Variants in WDTC1 observed in about 807,000 individuals in gnomAD.
The protein encoded by WDTC1 is WD and tetratricopeptide repeats 1.
WDTC1 carries 12 observed loss-of-function variants against 76.0 expected under a neutral mutation model. The ratio of observed to expected loss-of-function variants is 0.16; its 90% CI spans 0.10 to 0.26. The LOEUF (loss-of-function observed/expected upper bound fraction) is 0.26. WDTC1 is among the 10% of genes least tolerant of loss of function. The probability of loss-of-function intolerance (pLI) is 1.00; values close to 1 mark genes in which losing one functional copy is unlikely to be tolerated. For missense variants in WDTC1, 511 were observed against 908.8 expected, an observed-to-expected ratio of 0.56 and a Z score of 5.63; for synonymous variants, 326 against 350.8, an observed-to-expected ratio of 0.93 and a Z score of 0.79.
intron 1 of WDTC1, among the ~76,000 whole-genome samples, chr1:27,257,053 G>A (rs1479669640): frequency 2.0e-5 from 3 of 151,932 alleles, no homozygotes; most frequent in Non-Finnish European, 4.4e-5. Flanking sequence ...TAGTAGAGAC[G>A]GGGTTTCACC....
In WDTC1 at chr1:27,241,555, C is replaced by G. The variant is rs1259108586; in HGVS notation, c.-100+6604C>G. On this transcript the variant is annotated intron_variant, in intron 1 of 15. Transcript: ENST00000319394. Reference sequence around the variant, plus strand: ...TCACTGAGTTAGAAAGGAAACATTTCTAACTTGAATGGTTTAGTTTTCCTT... The same window carrying G: ...TCACTGAGTTAGAAAGGAAACATTTGTAACTTGAATGGTTTAGTTTTCCTT... Among the ~76,000 whole-genome samples the G allele has an allele frequency of 2.0e-5, 3 of 152,106 alleles. No individual in the cohort carries two copies. The East Asian group carries it at 5.8e-4, about 29-fold the overall frequency.
intron 4 of WDTC1, 44 bp downstream of exon 4, chr1:27,282,329 T>C (rs2013211965): frequency 6.2e-7 from 1 of 1,601,362 alleles, no homozygotes; most frequent in Admixed American, 1.7e-5. Context: ...GGGAAGGAAG[T>C]AAGGAGGGTG....
chr1:27,282,369 A>T (rs2013212630), intron 4 of WDTC1, 84 bp downstream of exon 4: 1 of 1,412,954 alleles, frequency 7.1e-7, no homozygotes, highest in African/African-American at 1.4e-5. Flanking sequence ...GAGAGGATCC[A>T]AGGAAAAGAT....
intron 4 of WDTC1, among the ~76,000 whole-genome samples, chr1:27,282,847 A>G (rs1233631277): frequency 2.0e-5 from 3 of 151,638 alleles, no homozygotes; most frequent in African/African-American, 7.3e-5. Flanking sequence ...TAAGAATGAT[A>G]GAAATTTCTT....
At chr1:27,288,865 G>A (rs1311527806) in intron 6 of WDTC1, among the ~76,000 whole-genome samples, 1 of 152,080 alleles carries the variant, frequency 6.6e-6, no homozygotes, top group Non-Finnish European at 1.5e-5. Context: ...GAGCTGTTGG[G>A]TACACCTCCC....
chr1:27,299,631 G>A (rs2013782260), intron 12 of WDTC1, among the ~76,000 whole-genome samples: 1 of 152,192 alleles, frequency 6.6e-6, no homozygotes, highest in South Asian at 2.1e-4. Flanking sequence ...ACTGGCAGGA[G>A]ATGAGTCTGT....
At chr1:27,242,936 C>G (rs2147902297) in intron 1 of WDTC1, among the ~76,000 whole-genome samples, 1 of 152,306 alleles carries the variant, frequency 6.6e-6, no homozygotes, top group Middle Eastern at 3.4e-3. Context: ...TTATTTAAGC[C>G]AGGAGCCTCA....
chr1:27,247,812 G>A (rs890241949), intron 1 of WDTC1, among the ~76,000 whole-genome samples: 4 of 150,714 alleles, frequency 2.7e-5, no homozygotes, highest in East Asian at 3.9e-4. Flanking sequence ...TCTGCCTCCC[G>A]GGTTCAAGTG....
chr1:27,289,171 C>T (rs2013445749), intron 6 of WDTC1, among the ~76,000 whole-genome samples: 1 of 149,652 alleles, frequency 6.7e-6, no homozygotes, highest in African/African-American at 2.5e-5. Flanking sequence ...AGAGGCGCCC[C>T]TCACCTCCCG....
In WDTC1 at chr1:27,283,365, G is replaced by A; in HGVS notation, c.207G>A (p.Gln69=). 1 of 1,613,738 alleles carries A rather than the reference G, an allele frequency of 6.2e-7. No individual in the cohort carries two copies. The highest frequency in any genetic ancestry group is 8.5e-7 in the Non-Finnish European group (1 of 1,180,018). Residue 69 remains glutamine, a synonymous_variant, in exon 5 of 16, where the codon CAG becomes CAA. Coordinates refer to ENST00000319394, the MANE Select transcript of WDTC1 (RefSeq NM_001276252.2). ...TGCTGGCCTCTGGTTCCGATGACCA[G>A]CACACGATTGTGTGGGACCCGCTGC... ...GDLLASGSDD[Q]HTIVWDPLHH... is the part of the protein sequence containing the mutation.
intron 1 of WDTC1, among the ~76,000 whole-genome samples, chr1:27,235,352 T>TAGCTTCTCGCTCTCTCTC (rs2011472029): frequency 6.6e-6 from 1 of 151,898 alleles, no homozygotes; most frequent in Non-Finnish European, 1.5e-5. Context: ...CCTGCCCTCT[T>TAGCTTCTCGCTCTCTCTC]AGCTTCTCGC....
chr1:27,260,678 A>G (rs2012450022), intron 1 of WDTC1, among the ~76,000 whole-genome samples: 1 of 152,238 alleles, frequency 6.6e-6, no homozygotes, highest in Admixed American at 6.5e-5. Context: ...ATATGCTACC[A>G]TTATCCTTCA....
intron 1 of WDTC1, among the ~76,000 whole-genome samples, chr1:27,235,958 C>T (rs1345114616): frequency 2.0e-5 from 3 of 152,088 alleles, no homozygotes; most frequent in African/African-American, 7.2e-5. Flanking sequence ...GTGAAGTCTT[C>T]CCTTTCTAAC....
Position 27,297,036 on chromosome 1 carries a change from A to G in WDTC1, c.950-12A>G, listed in dbSNP as rs773910286. ...GAGTTGTTGCTGTCACTTTCTCACT[A>G]TCTCCTGCCAGAAGTCCAGAATGGC... On this transcript the variant is annotated splice_polypyrimidine_tract_variant and intron_variant, in intron 10 of 15. Coordinates refer to ENST00000319394, the MANE Select transcript of WDTC1 (RefSeq NM_001276252.2). The G allele has an allele frequency of 9.3e-6, 15 of 1,613,142 alleles. No individual in the cohort carries two copies. In the South Asian group the frequency reaches 9.9e-5, roughly 11 times the overall value.
upstream of WDTC1, chr1:27,234,506 G>C: frequency 2.9e-6 from 1 of 346,550 alleles, no homozygotes. Context: ...TTGACCGGGC[G>C]CGGGGGGGTA....
intron 5 of WDTC1, among the ~76,000 whole-genome samples, chr1:27,284,428 A>G (rs1045334325): frequency 9.9e-5 from 15 of 152,210 alleles, no homozygotes; most frequent in African/African-American, 3.6e-4. Flanking sequence ...TATCAAGAGG[A>G]ATTACAAGAT....
rs761713856 is a variant in WDTC1 at position 27,299,436 on chromosome 1, G to A, written c.1232+1325G>A. On this transcript the variant is annotated intron_variant, in intron 12 of 15. Coordinates refer to ENST00000319394, the MANE Select transcript of WDTC1 (RefSeq NM_001276252.2). The stretch of plus-strand genomic sequence containing the variant: ...CAGGGAAGCATCAGAAAGACATGGC[G>A]TCTGAATGGGCTTTAAGTGTAGGCA... Among the ~76,000 whole-genome samples the A allele has an allele frequency of 2.0e-5, 3 of 152,158 alleles. 1 individual carries two copies. In the South Asian group the frequency reaches 6.2e-4, roughly 32 times the overall value.
intron 2 of WDTC1, among the ~76,000 whole-genome samples, chr1:27,262,039 C>T (rs949553585): frequency 4.6e-5 from 7 of 151,648 alleles, no homozygotes; most frequent in African/African-American, 1.7e-4. Flanking sequence ...AAGTGATTCT[C>T]TTGCCTCAGC....
rs759835864 is a variant in WDTC1 at position 27,261,098 on chromosome 1, T to C, written c.44T>C (p.Ile15Thr). ...ACTAGAGACCTCATCCGTAGGCAGA[T>C]CAAGGTAAGCAGCCCAGACTTCTGC... ...NITRDLIRRQ[I>T]KERGALSFER... The change falls in exon 2 of 16, where the codon ATC becomes ACC. Residue 15 changes from isoleucine to threonine, a missense_variant. By Grantham distance (89) the Ile-to-Thr change is moderately conservative. Coordinates refer to ENST00000319394, the MANE Select transcript of WDTC1 (RefSeq NM_001276252.2). 6.2e-7 allele frequency: 1 copy of C among 1,614,108 alleles called. No homozygotes were observed. Among genetic ancestry groups the C allele is most frequent in the East Asian group, 2.2e-5 (1 of 44,890 alleles).
Sources: gnomAD v4.1 joint callset for allele counts (sites outside exome capture counted in the v4.1 genomes callset) on GRCh38, gnomAD v4.1.1 for gene constraint, MANE v1.5 for transcripts, NCBI Gene and HGNC (gene_info 2026-07-23, HGNC 2026-07-21) for gene names.